The following TENM4 variants were observed in gnomAD, a reference collection of about 807,000 sequenced individuals.
The protein encoded by TENM4 is teneurin transmembrane protein 4, also known as teneurin-4.
A neutral mutation model predicts 243.3 loss-of-function variants in TENM4; 82 were observed. The ratio of observed to expected loss-of-function variants is 0.34; its 90% CI spans 0.28 to 0.40. TENM4 has a LOEUF of 0.40. Ranked by LOEUF, TENM4 falls within the 10% of genes least tolerant of loss-of-function variation. TENM4 has a pLI of 1.00. For missense variants in TENM4, 3,138 were observed against 3,673.3 expected (o/e 0.85, Z 3.77); for synonymous variants, 1,412 against 1,456.3 (o/e 0.97, Z 0.69).
At chr11:79,324,361 A>G (rs771603608) in intron 1 of TENM4, among the ~76,000 whole-genome samples, 1 of 152,056 alleles carries the variant, frequency 6.6e-6, no homozygotes, top group Non-Finnish European at 1.5e-5. Context: ...AGCCAGGACT[A>G]TAAGTACATA....
chr11:79,103,902 G>A (rs1444520160), intron 4 of TENM4, among the ~76,000 whole-genome samples: 1 of 152,060 alleles, frequency 6.6e-6, no homozygotes, highest in Non-Finnish European at 1.5e-5. Flanking sequence ...TTTTTTGAAT[G>A]GACCAAATGA....
chr11:79,411,970 T>C (rs1943843), intron 1 of TENM4, among the ~76,000 whole-genome samples: 150,784 of 152,330 alleles, frequency 0.99, 74,684 homozygotes, highest in Middle Eastern at 1. Context: ...GAGCCGATAT[T>C]CCTGACTCCA....
At chr11:78,846,499 C>T (rs1858395827) in intron 12 of TENM4, among the ~76,000 whole-genome samples, 1 of 152,168 alleles carries the variant, frequency 6.6e-6, no homozygotes, top group Non-Finnish European at 1.5e-5. Flanking sequence ...CTAGGTCTGT[C>T]TGCAACTGGC....
rs1428835076 is a variant in TENM4 at position 79,287,788 on chromosome 11, G to A, written c.-265+9700C>T. On this transcript the variant is annotated intron_variant, in intron 2 of 33. Coordinates refer to ENST00000278550, the MANE Select transcript of TENM4 (RefSeq NM_001098816.3). ...ATGAGGATTCTAGATTCTTCCCTAG[G>A]CAAAAAAGTAATTGTCTCAAGGGCA... 5.9e-5 allele frequency among the ~76,000 whole-genome samples: 9 copies of A among 152,190 alleles called. No homozygotes were observed. In the South Asian group the frequency reaches 1.5e-3, roughly 25 times the overall value.
intron 2 of TENM4, among the ~76,000 whole-genome samples, chr11:79,222,748 A>T (rs1864186810): frequency 6.6e-6 from 1 of 152,182 alleles, no homozygotes; most frequent in Non-Finnish European, 1.5e-5. Flanking sequence ...CATTTCTCTA[A>T]TGATCAGTGA....
At chr11:79,145,071 ATAAAAACTAAAAAT>A (rs140674267) in intron 4 of TENM4, among the ~76,000 whole-genome samples, 8,359 of 152,078 alleles carry the variant, frequency 0.055, 321 homozygotes, top group Non-Finnish European at 0.078. Context: ...CTATGAACCC[ATAAAAACTAAAAAT>A]TAAAAAAAAT....
chr11:78,768,235 G>A (rs928533256), intron 18 of TENM4, among the ~76,000 whole-genome samples: 1 of 152,228 alleles, frequency 6.6e-6, no homozygotes, highest in Non-Finnish European at 1.5e-5. Context: ...TGAACTGAGA[G>A]GGCCCTGAGG....
At chr11:79,094,848 T>A (rs1861042061) in intron 4 of TENM4, among the ~76,000 whole-genome samples, 1 of 152,174 alleles carries the variant, frequency 6.6e-6, no homozygotes, top group African/African-American at 2.4e-5. Flanking sequence ...ATTCAAAGGC[T>A]GGGGCCTGAT....
intron 3 of TENM4, among the ~76,000 whole-genome samples, chr11:79,180,040 T>C (rs145189204): frequency 2.6e-5 from 4 of 151,864 alleles, no homozygotes; most frequent in African/African-American, 9.6e-5. Flanking sequence ...GGCTTGCAAA[T>C]TGCCCTGCAG....
intron 9 of TENM4, among the ~76,000 whole-genome samples, chr11:78,866,886 G>T (rs1388088545): frequency 6.6e-6 from 1 of 152,188 alleles, no homozygotes; most frequent in Non-Finnish European, 1.5e-5. Context: ...TACCTGGAAA[G>T]TAAGGAGTAG....
At position 79,124,200 on chromosome 11, in the gene TENM4, T is replaced by C. The variant is rs72933193; in HGVS notation, c.-66+24510A>G. Among the ~76,000 whole-genome samples the C allele has an allele frequency of 3.6e-3, 555 of 152,220 alleles. 2 individuals carry two copies. Among genetic ancestry groups the C allele is most frequent in the Non-Finnish European group, 6.3e-3 (426 of 67,998 alleles). On this transcript the variant is annotated intron_variant, in intron 4 of 33. Transcript: ENST00000278550. ...GTTCTCTGCAAGTTTTCTTCCACAA[T>C]GGTGTGATGGTTAATATTGAGTGCC... is the stretch of plus-strand genomic sequence containing the variant.
intron 1 of TENM4, among the ~76,000 whole-genome samples, chr11:79,370,371 G>C (rs1857757853): frequency 6.6e-6 from 1 of 152,222 alleles, no homozygotes; most frequent in South Asian, 2.1e-4. Flanking sequence ...AGAGATGGGG[G>C]CTGCTGGCCG....
At chr11:79,195,964 T>C (rs1863618755) in intron 3 of TENM4, among the ~76,000 whole-genome samples, 1 of 152,098 alleles carries the variant, frequency 6.6e-6, no homozygotes, top group East Asian at 1.9e-4. Flanking sequence ...AACTGAATCA[T>C]GGGGGCTGGT....
At chr11:79,091,833 C>A (rs1400635375) in intron 4 of TENM4, among the ~76,000 whole-genome samples, 1 of 152,212 alleles carries the variant, frequency 6.6e-6, no homozygotes, top group African/African-American at 2.4e-5. Flanking sequence ...GCACACCTGT[C>A]ATCTCCTGCA....
intron 6 of TENM4, among the ~76,000 whole-genome samples, chr11:78,950,293 C>T (rs1424852057): frequency 6.6e-6 from 1 of 152,244 alleles, no homozygotes; most frequent in Non-Finnish European, 1.5e-5. Context: ...TCAGCGGTTT[C>T]CATTCAGGGG....
rs911799777 is a variant in TENM4 at position 79,222,972 on chromosome 11, T to C, written c.-264-7063A>G. Among the ~76,000 whole-genome samples the C allele has an allele frequency of 1.1e-4, 17 of 151,984 alleles. No individual in the cohort carries two copies. In the East Asian group the frequency reaches 2.5e-3, roughly 23 times the overall value. ...AACGCAGGGAGGGAAACAACATACATTGGGGCCTGTCAGGGGGTTTGGGGA... is the reference window on the plus strand; with the variant it reads ...AACGCAGGGAGGGAAACAACATACACTGGGGCCTGTCAGGGGGTTTGGGGA... On this transcript the variant is annotated intron_variant, in intron 2 of 33. Coordinates refer to ENST00000278550, the MANE Select transcript of TENM4 (RefSeq NM_001098816.3).
At chr11:79,295,464 C>A (rs1856433860) in intron 2 of TENM4, among the ~76,000 whole-genome samples, 1 of 152,154 alleles carries the variant, frequency 6.6e-6, no homozygotes, top group African/African-American at 2.4e-5. Flanking sequence ...GGAAGGAGCC[C>A]CAGCTCTCCC....
intron 1 of TENM4, among the ~76,000 whole-genome samples, chr11:79,421,060 A>C (rs1007743707): frequency 4.6e-5 from 7 of 152,084 alleles, no homozygotes; most frequent in African/African-American, 1.7e-4. Context: ...AAATGTGTAA[A>C]CTATTTTTTA....
chr11:79,337,446 C>A (rs1400309286), intron 1 of TENM4, among the ~76,000 whole-genome samples: 1 of 152,140 alleles, frequency 6.6e-6, no homozygotes, highest in Non-Finnish European at 1.5e-5. Flanking sequence ...GTCCAGTGAC[C>A]TGTGATTTGT....
Sources: allele counts gnomAD v4.1 joint callset (sites outside exome capture counted in the v4.1 genomes callset), GRCh38; gene constraint gnomAD v4.1.1; transcripts MANE v1.5; gene names NCBI Gene and HGNC (gene_info 2026-07-23, HGNC 2026-07-21).